The following COL9A3 variants were observed in gnomAD, a reference collection of about 807,000 sequenced individuals.
COL9A3 encodes the protein collagen type IX alpha 3 chain.
In COL9A3, 82 loss-of-function variants were observed where a neutral mutation model predicts 110.2. That is an observed-to-expected ratio of 0.74 (90% CI 0.62 to 0.89). COL9A3 has a LOEUF of 0.89. COL9A3 is among the 40% of genes least tolerant of loss of function. The probability of loss-of-function intolerance (pLI) is 0.00; values close to 1 mark genes in which losing one functional copy is unlikely to be tolerated. For missense variants in COL9A3, 1,066 were observed against 981.3 expected (o/e 1.09, Z -1.15); for synonymous variants, 494 against 403.8 (o/e 1.22, Z -2.68).
At chr20:62,837,009 A>G (rs1338416262) in intron 29 of COL9A3, 74 bp from the exon 30 acceptor site, 6 of 1,567,000 alleles carry the variant, frequency 3.8e-6, no homozygotes, top group Admixed American at 1.7e-5. Flanking sequence ...CCGTGTAGAT[A>G]TTTTATGCTT....
intron 11 of COL9A3, among the ~76,000 whole-genome samples, 199 bp downstream of exon 11, chr20:62,824,700 G>C (rs2063536641): frequency 6.6e-6 from 1 of 152,204 alleles, no homozygotes; most frequent in African/African-American, 2.4e-5. Flanking sequence ...GCTGGGACTG[G>C]CCATAGGCGT....
Position 62,819,975 on chromosome 20 carries a change from G to C in COL9A3, c.302G>C (p.Gly101Ala). ...CCCCCTGGACCCAAGGGTGCCCCTG[G>C]GGAACGGGTAAGTGCCTGCGCCGAA... The part of the protein sequence containing the change: ...DGPPGPKGAP[G>A]ERGSLGPPGP... Residue 101 changes from glycine to alanine, a missense_variant, in exon 5 of 32, where the codon GGG becomes GCG. Coordinates refer to ENST00000649368, the MANE Select transcript of COL9A3 (RefSeq NM_001853.4). 1 of 1,612,354 alleles carries C rather than the reference G, an allele frequency of 6.2e-7. No individual in the cohort carries two copies. Among genetic ancestry groups the C allele is most frequent in the Non-Finnish European group, 8.5e-7 (1 of 1,179,838 alleles).
At chr20:62,824,776 C>T (rs2063537300) in intron 11 of COL9A3, among the ~76,000 whole-genome samples, 192 bp from the exon 12 acceptor site, 1 of 152,178 alleles carries the variant, frequency 6.6e-6, no homozygotes, top group Non-Finnish European at 1.5e-5. Context: ...CGCTCCTGAC[C>T]GCAGAGCGCC....
chr20:62,816,973 C>CGGGAAGGGGAAG (rs890094518), upstream of COL9A3: 5 of 668,818 alleles, frequency 7.5e-6, no homozygotes, highest in Admixed American at 5.4e-5. Context: ...CAGGCGGGGG[C>CGGGAAGGGGAAG]GGGAAGGGGA....
intron 25 of COL9A3, chr20:62,832,767 C>G (rs537409191): frequency 8.1e-6 from 3 of 370,708 alleles, no homozygotes; most frequent in East Asian, 1.5e-4. Flanking sequence ...GAACCCCCAC[C>G]GCAGGTTCTG....
At chr20:62,828,712 G>T in intron 17 of COL9A3, 52 bp from the exon 18 acceptor site, 2 of 1,598,804 alleles carry the variant, frequency 1.3e-6, no homozygotes, top group South Asian at 1.1e-5. Flanking sequence ...GGACTGTAGA[G>T]GGAGGGAGGG....
At position 62,829,618 on chromosome 20, in the gene COL9A3, T is replaced by A. The variant is rs1391770640; in HGVS notation, c.1054-10T>A. 1 of 1,609,990 alleles carries A rather than the reference T, an allele frequency of 6.2e-7. No individual in the cohort carries two copies. The highest frequency in any genetic ancestry group is 1.1e-5 in the South Asian group (1 of 90,590). On this transcript the variant is annotated splice_polypyrimidine_tract_variant and intron_variant, in intron 20 of 31. Coordinates refer to ENST00000649368, the MANE Select transcript of COL9A3 (RefSeq NM_001853.4). ...GTAGGCAGGCACTCACAGCTCTCCT[T>A]CCTCTACAGGGCAGAGCTGGGGAGC...
rs1600810750 is a variant in COL9A3, at chr20:62,836,507, G to C, written c.1578G>C (p.Arg526Ser). Residue 526 changes from arginine to serine, a missense_variant, in exon 29 of 32, where the codon AGG becomes AGC. Transcript: ENST00000649368. ...PGKEASEQRIRELCGGMISEQ... is the reference protein window; with the variant it reads ...PGKEASEQRISELCGGMISEQ... ...AGGAGGCCAGCGAGCAGCGCATCAG[G>C]GAGCTGTGTGGGGGGATGATCAGCG... 6.2e-7 allele frequency: 1 copy of C among 1,612,944 alleles called. No homozygotes were observed.
rs143930593 is a variant in COL9A3 at position 62,836,270 on chromosome 20, C to G, written c.1485C>G (p.Pro495=). ...TSGVQGVPGP[P]GPLGLQGVPG... is the part of the protein sequence containing the mutation. ...GTGTTCAGGGTGTCCCCGGGCCCCC[C>G]GGTCCTCTGGGCCTGCAGGGCGTCC... is the stretch of plus-strand genomic sequence containing the variant. The change falls in exon 28 of 32, where the codon CCC becomes CCG. Residue 495 remains proline, a synonymous_variant. Coordinates refer to ENST00000649368, the MANE Select transcript of COL9A3 (RefSeq NM_001853.4). 4.3e-6 allele frequency: 7 copies of G among 1,613,830 alleles called. No homozygotes were observed. The Admixed American group carries it at 1.2e-4, about 27-fold the overall frequency.
At chr20:62,823,442 T>G (rs2063526358) in intron 10 of COL9A3, among the ~76,000 whole-genome samples, 1 of 152,040 alleles carries the variant, frequency 6.6e-6, no homozygotes, top group African/African-American at 2.4e-5. Flanking sequence ...CATAGAGAGG[T>G]TTGATAGTTT....
intron 31 of COL9A3, 116 bp from the exon 32 acceptor site, chr20:62,840,426 C>T (rs2063667911): frequency 9.9e-7 from 1 of 1,009,908 alleles, no homozygotes; most frequent in Non-Finnish European, 1.6e-6. Context: ...GCTGTGGCCT[C>T]TCCCCAAGTG....
intron 12 of COL9A3, among the ~76,000 whole-genome samples, chr20:62,825,301 C>T (rs1398888276): frequency 6.6e-6 from 1 of 152,120 alleles, no homozygotes; most frequent in Non-Finnish European, 1.5e-5. Flanking sequence ...TAGGCAGGGT[C>T]CCTGGACAGA....
intron 19 of COL9A3, 64 bp from the exon 20 acceptor site, chr20:62,829,391 C>T (rs2063577939): frequency 5.0e-6 from 8 of 1,604,488 alleles, no homozygotes; most frequent in Non-Finnish European, 6.0e-6. Flanking sequence ...CGTGCACGCC[C>T]CTGGGTGCTG....
At chr20:62,836,795 T>G (rs118103122) in intron 29 of COL9A3, 12,216 of 622,104 alleles carry the variant, frequency 0.02, 177 homozygotes, top group Non-Finnish European at 0.024. Flanking sequence ...CTGAATGCAA[T>G]GGGTACAAGA....
At position 62,826,813 on chromosome 20, in the gene COL9A3, G is replaced by A. The variant is rs767482460; in HGVS notation, c.785G>A (p.Gly262Glu). Residue 262 changes from glycine to glutamate, a missense_variant, in exon 15 of 32, where the codon GGG (glycine) becomes GAG (glutamate). By Grantham distance (98) the Gly-to-Glu change is moderately conservative (BLOSUM62 -2). Coordinates refer to ENST00000649368, the MANE Select transcript of COL9A3 (RefSeq NM_001853.4). ...CCGCCTGGGATCCCAGGAGCGCCTG[G>A]GAAAGCGGTACGTGTGTCAGTGGAC... is the stretch of plus-strand genomic sequence containing the variant. ...RGPPGIPGAP[G>E]KAGDRGERGP... 2 of 1,612,816 alleles carry A rather than the reference G, an allele frequency of 1.2e-6. No homozygotes were observed. The highest frequency in any genetic ancestry group is 2.2e-5 in the South Asian group (2 of 91,078).
Position 62,840,679 on chromosome 20 carries a change from C to T in COL9A3, c.2002C>T (p.Gln668Ter). 6.2e-7 allele frequency: 1 copy of T among 1,603,430 alleles called. No homozygotes were observed. Among genetic ancestry groups the T allele is most frequent in the Non-Finnish European group, 8.5e-7 (1 of 1,175,334 alleles). Residue 668 changes from glutamine (Q) to a stop codon, truncating the protein, a stop_gained, in exon 32 of 32, where the codon CAA becomes TAA. Transcript: ENST00000649368. LOFTEE classifies it high-confidence loss of function. Reference protein sequence around the residue: ...TPGICDTSACQGAVLGGVGEK... With the variant: ...TPGICDTSAC ...GGGGATCTGCGACACCTCAGCCTGC[C>T]AAGGAGCCGTGTTAGGAGGGGTCGG...
At position 62,822,616 on chromosome 20, in the gene COL9A3, G is replaced by T. The variant is rs762180889; in HGVS notation, c.503G>T (p.Gly168Val). 5.0e-6 allele frequency: 8 copies of T among 1,612,562 alleles called. No individual in the cohort carries two copies. In the Admixed American group the frequency reaches 1.2e-4, roughly 24 times the overall value. ...GGACACCCAGGAGTCCTCCCTGAAG[G>T]CGCTACTGACCTTCAGGTAGGCACT... ...PPGHPGVLPEGATDLQCPSIC... is the reference protein window; with the variant it reads ...PPGHPGVLPEVATDLQCPSIC... Residue 168 changes from glycine (G) to valine (V), a missense_variant, in exon 10 of 32, where the codon GGC (glycine) becomes GTC (valine). Coordinates refer to ENST00000649368, the MANE Select transcript of COL9A3 (RefSeq NM_001853.4).
At position 62,837,130 on chromosome 20, in the gene COL9A3, G is replaced by A. The variant is rs768544259; in HGVS notation, c.1651G>A (p.Gly551Arg). 1.0e-4 allele frequency: 169 copies of A among 1,613,298 alleles called. No homozygotes were observed. Among genetic ancestry groups the A allele is most frequent in the Non-Finnish European group, 1.2e-4 (144 of 1,180,022 alleles). The change falls in exon 30 of 32, where the codon GGG becomes AGG. Residue 551 changes from glycine to arginine, a missense_variant. Transcript: ENST00000649368. Reference sequence around the variant, plus strand: ...GCACCTAAGGAAGCCTTTGGCACCCGGGTCCATTGGTCGGCCCGGTCCAGC... The same window carrying A: ...GCACCTAAGGAAGCCTTTGGCACCCAGGTCCATTGGTCGGCCCGGTCCAGC... ...AAHLRKPLAP[G>R]SIGRPGPAGP... is the part of the protein sequence containing the mutation.
At chr20:62,826,391 T>A in intron 14 of COL9A3, 134 bp downstream of exon 14, 1 of 860,314 alleles carries the variant, frequency 1.2e-6, no homozygotes, top group Non-Finnish European at 1.8e-6. Flanking sequence ...ATCGCCACTG[T>A]GGCGCAGGCC....
Sources: gnomAD v4.1 joint callset for allele counts (sites outside exome capture counted in the v4.1 genomes callset) on GRCh38, gnomAD v4.1.1 for gene constraint, MANE v1.5 for transcripts, NCBI Gene and HGNC (gene_info 2026-07-23, HGNC 2026-07-21) for gene names.